Variants in SNX29 observed in about 807,000 individuals in gnomAD.
SNX29 encodes sorting nexin-29.
SNX29 carries 78 observed loss-of-function variants against 102.1 expected under a neutral mutation model. The ratio of observed to expected loss-of-function variants is 0.76; its 90% confidence interval spans 0.64 to 0.92. The LOEUF (loss-of-function observed/expected upper bound fraction) is 0.92. Ranked by LOEUF, SNX29 falls within the 40% of genes least tolerant of loss-of-function variation. The pLI, the probability that SNX29 is intolerant of heterozygous loss-of-function variation, is 0.00. For missense variants in SNX29, 1,280 were observed against 1,061.7 expected, an observed-to-expected ratio of 1.21 and a Z score of -2.86; for synonymous variants, 580 against 414.5, an observed-to-expected ratio of 1.40 and a Z score of -4.85.
intron 18 of SNX29, among the ~76,000 whole-genome samples, chr16:12,458,140 C>T (rs187199489): frequency 1.3e-5 from 2 of 152,342 alleles, no homozygotes; most frequent in East Asian, 3.9e-4. Flanking sequence ...TTAACAGCTT[C>T]ACCTTGGGCT....
intron 14 of SNX29, among the ~76,000 whole-genome samples, chr16:12,205,095 A>C (rs1311359320): frequency 6.6e-6 from 1 of 152,226 alleles, no homozygotes; most frequent in African/African-American, 2.4e-5. Context: ...AGGCTGATTC[A>C]GTGAAGATGG....
intron 19 of SNX29, among the ~76,000 whole-genome samples, chr16:12,484,952 G>A (rs921811153): frequency 6.6e-6 from 1 of 152,198 alleles, no homozygotes; most frequent in African/African-American, 2.4e-5. Context: ...TCTGTCCCCA[G>A]CTCCTAGAAT....
intron 18 of SNX29, among the ~76,000 whole-genome samples, chr16:12,470,895 C>T (rs183710539): frequency 2.6e-3 from 399 of 152,300 alleles, no homozygotes; most frequent in African/African-American, 8.1e-3. Context: ...GGGCGAGGCA[C>T]GACACCTCAC....
rs149960245 is a variant in SNX29 at position 12,234,730 on chromosome 16, G to A, written c.1678+35047G>A. ...CCAGAGGTTTTGGGGGTTGTTGGTTGGAGAGTTGTTCATTCCCTCTCTGGA... is the reference window on the plus strand; with the variant it reads ...CCAGAGGTTTTGGGGGTTGTTGGTTAGAGAGTTGTTCATTCCCTCTCTGGA... On this transcript the variant is annotated intron_variant, in intron 14 of 20. Transcript: ENST00000566228. Among the ~76,000 whole-genome samples, 559 of 152,248 alleles carry A rather than the reference G, an allele frequency of 3.7e-3. 4 individuals are homozygous for A. The highest frequency in any genetic ancestry group is 0.013 in the African/African-American group (532 of 41,546).
At chr16:12,166,341 C>T (rs141963105) in intron 13 of SNX29, among the ~76,000 whole-genome samples, 1 of 152,044 alleles carries the variant, frequency 6.6e-6, no homozygotes, top group South Asian at 2.1e-4. Flanking sequence ...GCGCTGGAAG[C>T]AAATTAAACA....
At chr16:12,110,788 C>T (rs1342779843) in intron 11 of SNX29, among the ~76,000 whole-genome samples, 2 of 152,044 alleles carry the variant, frequency 1.3e-5, no homozygotes, top group African/African-American at 4.8e-5. Context: ...CCTGAGGAAA[C>T]AAACCTGATT....
intron 8 of SNX29, among the ~76,000 whole-genome samples, chr16:12,059,786 G>A (rs770435094): frequency 1.3e-5 from 2 of 152,302 alleles, no homozygotes; most frequent in East Asian, 3.9e-4. Flanking sequence ...TGATTTTAGA[G>A]TAGCTCTAAC....
Position 12,387,535 on chromosome 16 carries a change from C to T in SNX29, c.1900-10911C>T, listed in dbSNP as rs565132946. Among the ~76,000 whole-genome samples the T allele has an allele frequency of 1.8e-3, 250 of 136,928 alleles. 2 individuals are homozygous for T. The South Asian group carries it at 0.03, about 16-fold the overall frequency. 89.8% of individuals were successfully genotyped at this position (136,928 alleles called of 152,430 possible). On this transcript the variant is annotated intron_variant, in intron 16 of 20. Coordinates refer to ENST00000566228, the MANE Select transcript of SNX29 (RefSeq NM_032167.5). ...AGTGCAGGGATGTGAAAGGGAGGGG[C>T]TGGGGTGGGAGGGTGAGAAAGGCCA... is the stretch of plus-strand genomic sequence containing the variant.
At chr16:12,157,457 G>C (rs551748133) in intron 13 of SNX29, among the ~76,000 whole-genome samples, 1 of 152,176 alleles carries the variant, frequency 6.6e-6, no homozygotes, top group Non-Finnish European at 1.5e-5. Context: ...TATTGCCCAG[G>C]GCGGGAGGTT....
intron 8 of SNX29, among the ~76,000 whole-genome samples, chr16:12,053,656 A>G (rs983152706): frequency 7.1e-6 from 1 of 140,480 alleles, no homozygotes; most frequent in African/African-American, 2.6e-5. Flanking sequence ...TGTTGTTACA[A>G]TATTAGGGTT....
intron 11 of SNX29, among the ~76,000 whole-genome samples, chr16:12,083,080 G>C (rs2051990046): frequency 6.6e-6 from 1 of 151,992 alleles, no homozygotes; most frequent in Non-Finnish European, 1.5e-5. Flanking sequence ...GAGGTGGGGG[G>C]AATCACTTGA....
chr16:12,043,292 A>G (rs942419050), intron 5 of SNX29, among the ~76,000 whole-genome samples: 1 of 152,018 alleles, frequency 6.6e-6, no homozygotes, highest in Admixed American at 6.6e-5. Context: ...GCACTTGCAT[A>G]CAGCCAGCTT....
intron 20 of SNX29, among the ~76,000 whole-genome samples, chr16:12,543,479 A>G (rs2077438201): frequency 6.6e-6 from 1 of 152,184 alleles, no homozygotes; most frequent in African/African-American, 2.4e-5. Flanking sequence ...GCTGTCAGTA[A>G]AGCCACAGCC....
At chr16:12,163,088 G>T (rs918879597) in intron 13 of SNX29, among the ~76,000 whole-genome samples, 1 of 152,140 alleles carries the variant, frequency 6.6e-6, no homozygotes, top group African/African-American at 2.4e-5. Flanking sequence ...CACCATGTTG[G>T]CCAGGCTGGT....
At chr16:12,227,224 A>AGG (rs1305556310) in intron 14 of SNX29, among the ~76,000 whole-genome samples, 1 of 152,166 alleles carries the variant, frequency 6.6e-6, no homozygotes, top group Non-Finnish European at 1.5e-5. Flanking sequence ...CATCCCACAG[A>AGG]GCTGAATGTT....
At chr16:12,558,674 T>C (rs565987836) in intron 20 of SNX29, among the ~76,000 whole-genome samples, 1 of 152,310 alleles carries the variant, frequency 6.6e-6, no homozygotes, top group South Asian at 2.1e-4. Context: ...TGCTGGTCCT[T>C]GTGGCTGGGA....
chr16:12,305,705 T>C (rs7193318), intron 15 of SNX29, among the ~76,000 whole-genome samples: 125,507 of 152,196 alleles, frequency 0.82, 52,292 homozygotes, highest in African/African-American at 0.95. Context: ...GATGCCTGGG[T>C]GTTGTGTATC....
At chr16:12,338,053 G>A (rs537122919) in intron 15 of SNX29, among the ~76,000 whole-genome samples, 7 of 152,304 alleles carry the variant, frequency 4.6e-5, no homozygotes, top group African/African-American at 1.7e-4. Flanking sequence ...GAGCTATTCA[G>A]TGCATCCTGG....
At chr16:12,563,569 T>G (rs67753633) in intron 20 of SNX29, among the ~76,000 whole-genome samples, 39,652 of 151,882 alleles carry the variant, frequency 0.26, 5,756 homozygotes, top group East Asian at 0.44. Flanking sequence ...ACCCCACCCC[T>G]TTGGGTGGTG....
Sources: allele counts gnomAD v4.1 joint callset (sites outside exome capture counted in the v4.1 genomes callset), GRCh38; gene constraint gnomAD v4.1.1; transcripts MANE v1.5; gene names NCBI Gene and HGNC (gene_info 2026-07-23, HGNC 2026-07-21).